ATE1: variants seen among roughly 807,000 people sequenced by gnomAD.
ATE1 encodes the protein arginyltransferase 1.
ATE1 carries 36 observed loss-of-function variants against 70.5 expected under a neutral mutation model. That is an observed-to-expected ratio of 0.51 (90% CI 0.39 to 0.67). The LOEUF (loss-of-function observed/expected upper bound fraction) is 0.67. Among genes scored for constraint, ATE1 ranks in the 30% least tolerant of loss-of-function variants. The probability of loss-of-function intolerance (pLI) is 0.00; values close to 1 mark genes in which losing one functional copy is unlikely to be tolerated. For missense variants in ATE1, 593 were observed against 629.5 expected, an observed-to-expected ratio of 0.94 and a Z score of 0.62; for synonymous variants, 232 against 219.3, an observed-to-expected ratio of 1.06 and a Z score of -0.51.
chr10:121,857,301 G>GT (rs1362151976), intron 8 of ATE1, among the ~76,000 whole-genome samples: 1 of 152,140 alleles, frequency 6.6e-6, no homozygotes, highest in East Asian at 1.9e-4. Context: ...ACTGTCTACT[G>GT]TTCCCATCTT....
chr10:121,775,400 T>C (rs1945694191), intron 11 of ATE1, among the ~76,000 whole-genome samples: 1 of 152,028 alleles, frequency 6.6e-6, no homozygotes, highest in African/African-American at 2.4e-5. Flanking sequence ...GGTCGATAGG[T>C]GCAGCAAACC....
At chr10:121,813,037 C>A (rs571956083) in intron 10 of ATE1, among the ~76,000 whole-genome samples, 1 of 152,168 alleles carries the variant, frequency 6.6e-6, no homozygotes, top group African/African-American at 2.4e-5. Context: ...AAAACCTAGA[C>A]CTTATTAATC....
intron 8 of ATE1, among the ~76,000 whole-genome samples, chr10:121,843,996 C>A (rs1948723592): frequency 6.6e-6 from 1 of 152,182 alleles, no homozygotes; most frequent in South Asian, 2.1e-4. Context: ...AAACTCAAGT[C>A]ACAGACTGGG....
chr10:121,763,681 C>T (rs1945151868), intron 11 of ATE1, among the ~76,000 whole-genome samples: 1 of 152,150 alleles, frequency 6.6e-6, no homozygotes, highest in Non-Finnish European at 1.5e-5. Flanking sequence ...TCATACATGT[C>T]ATTAGACACT....
Position 121,763,023 on chromosome 10 carries a change from G to A in ATE1, c.1379-19165C>T, listed in dbSNP as rs77785206. ...ACTTACTGCATATGACGTGAGGGCA[G>A]GATACTACAGTGTACAATTTGCCTT... On this transcript the variant is annotated intron_variant, in intron 11 of 11. Transcript: ENST00000224652. 1.2e-3 allele frequency among the ~76,000 whole-genome samples: 186 copies of A among 152,264 alleles called. 6 individuals are homozygous for A. The East Asian group carries it at 0.014, about 12-fold the overall frequency.
intron 9 of ATE1, among the ~76,000 whole-genome samples, chr10:121,837,070 A>C (rs1297291820): frequency 6.6e-6 from 1 of 152,238 alleles, no homozygotes; most frequent in African/African-American, 2.4e-5. Flanking sequence ...TAGCTGATCT[A>C]AACTTCAAGC....
chr10:121,799,440 C>A (rs78222421), intron 10 of ATE1, among the ~76,000 whole-genome samples: 6,355 of 143,520 alleles, frequency 0.044, 433 homozygotes, highest in African/African-American at 0.15. Context: ...TTTAGGAAAA[C>A]AAAAAAAAAA....
intron 10 of ATE1, among the ~76,000 whole-genome samples, chr10:121,795,766 A>G (rs1726207547): frequency 6.6e-6 from 1 of 152,236 alleles, no homozygotes; most frequent in Non-Finnish European, 1.5e-5. Flanking sequence ...TAAATGACCA[A>G]AGTGCTTAAA....
chr10:121,825,820 C>T (rs1442785978), intron 10 of ATE1, among the ~76,000 whole-genome samples: 1 of 152,180 alleles, frequency 6.6e-6, no homozygotes, highest in Non-Finnish European at 1.5e-5. Flanking sequence ...TCAGCAATTC[C>T]ACTTACGGGT....
Position 121,891,321 on chromosome 10 carries a change from C to T in ATE1, c.942+8545G>A, listed in dbSNP as rs147528818. On this transcript the variant is annotated intron_variant, in intron 7 of 11. Transcript: ENST00000224652. ...TTTTATTATGCAAATGTGGCCTCCACCAGGTGGTGGCCATGATACCTGAAC... is the reference window on the plus strand; with the variant it reads ...TTTTATTATGCAAATGTGGCCTCCATCAGGTGGTGGCCATGATACCTGAAC... Among the ~76,000 whole-genome samples the T allele has an allele frequency of 4.3e-4, 66 of 152,144 alleles. No individual in the cohort carries two copies. In the East Asian group the frequency reaches 0.011, roughly 26 times the overall value.
chr10:121,884,725 A>C (rs1424760970), intron 7 of ATE1, among the ~76,000 whole-genome samples: 1 of 152,232 alleles, frequency 6.6e-6, no homozygotes, highest in African/African-American at 2.4e-5. Context: ...TGCTTGAGAT[A>C]TAACAGTGTC....
intron 7 of ATE1, among the ~76,000 whole-genome samples, chr10:121,884,289 T>C (rs943567634): frequency 1.3e-5 from 2 of 151,940 alleles, no homozygotes; most frequent in African/African-American, 4.8e-5. Context: ...TGAGACAAGT[T>C]TTAGGAAGTT....
chr10:121,921,751 T>C lies in ATE1; in HGVS notation c.233+598A>G, dbSNP rs145960353. 7.3e-4 allele frequency among the ~76,000 whole-genome samples: 111 copies of C among 152,302 alleles called. 1 individual carries two copies. The highest frequency in any genetic ancestry group is 2.5e-3 in the African/African-American group (105 of 41,562). On this transcript the variant is annotated intron_variant, in intron 3 of 11. Transcript: ENST00000224652. The stretch of plus-strand genomic sequence containing the variant: ...CTCTGTATCCCTGCTTTCACGCCAC[T>C]GTAAGCTTGCTTCAAGCTAGCCCAC...
In ATE1 at chr10:121,824,653, G is replaced by A. The variant is rs1272031348; in HGVS notation, c.1257+12065C>T. Among the ~76,000 whole-genome samples, 3 of 152,016 alleles carry A rather than the reference G, an allele frequency of 2.0e-5. No homozygotes were observed. The East Asian group carries it at 5.8e-4, about 29-fold the overall frequency. On this transcript the variant is annotated intron_variant, in intron 10 of 11. Coordinates refer to ENST00000224652, the MANE Select transcript of ATE1 (RefSeq NM_001001976.3). ...TGATGTTTCAATGATCTGATGTCTG[G>A]CCACATCATGATACCAAACAGACCG... is the stretch of plus-strand genomic sequence containing the variant.
intron 11 of ATE1, among the ~76,000 whole-genome samples, chr10:121,766,500 T>C (rs1945283137): frequency 6.6e-6 from 1 of 151,784 alleles, no homozygotes; most frequent in Non-Finnish European, 1.5e-5. Flanking sequence ...ACTTGAGGAG[T>C]GACACAGTGA....
At chr10:121,822,121 T>C (rs1001061852) in intron 10 of ATE1, among the ~76,000 whole-genome samples, 1 of 152,218 alleles carries the variant, frequency 6.6e-6, no homozygotes, top group Non-Finnish European at 1.5e-5. Flanking sequence ...GCACTTATAT[T>C]AGCCAAAACC....
At chr10:121,763,694 T>C (rs909669112) in intron 11 of ATE1, among the ~76,000 whole-genome samples, 1 of 152,088 alleles carries the variant, frequency 6.6e-6, no homozygotes, top group African/African-American at 2.4e-5. Flanking sequence ...TAGACACTTG[T>C]CAAAACCCAG....
At position 121,911,097 on chromosome 10, in the gene ATE1, A is replaced by G. The variant is rs770131054; in HGVS notation, c.392T>C (p.Ile131Thr). 75 of 1,611,508 alleles carry G rather than the reference A, an allele frequency of 4.7e-5. No homozygotes were observed. The Admixed American group carries it at 1.0e-3, about 21-fold the overall frequency. The change falls in exon 5 of 12, where the codon ATA becomes ACA. Residue 131 changes from isoleucine to threonine, a missense_variant. Ile to Thr is a moderately conservative substitution (Grantham distance 89, BLOSUM62 -1). This residue lies in a region of ATE1 where 467 missense variants were observed against 469.6 expected (regional missense o/e 0.99). Coordinates refer to ENST00000224652, the MANE Select transcript of ATE1 (RefSeq NM_001001976.3). Reference protein sequence around the residue: ...DDAVAGDFALINKLDIQCDLK... With the variant: ...DDAVAGDFALTNKLDIQCDLK... ...ATCACACTGTATATCCAGTTTATTT[A>G]TCAATGCAAAGTCACCCGCAACAGC...
At chr10:121,841,487 A>G (rs529245737) in intron 8 of ATE1, among the ~76,000 whole-genome samples, 77 of 152,158 alleles carry the variant, frequency 5.1e-4, no homozygotes, top group Non-Finnish European at 9.0e-4. Context: ...GTTTTCTTCA[A>G]TTTACTTGTT....
Sources: gnomAD v4.1 joint callset for allele counts (sites outside exome capture counted in the v4.1 genomes callset) on GRCh38, gnomAD v4.1.1 for gene constraint, gnomAD v4.1.1 regional missense constraint, MANE v1.5 for transcripts, NCBI Gene and HGNC (gene_info 2026-07-23, HGNC 2026-07-21) for gene names.